TRDN: variants seen among roughly 807,000 people sequenced by gnomAD.
TRDN encodes the protein triadin.
A neutral mutation model predicts 149.7 loss-of-function variants in TRDN; 161 were observed. The ratio of observed to expected loss-of-function variants is 1.08; its 90% confidence interval spans 0.95 to 1.23. The LOEUF is 1.23. TRDN is among the 50% of genes most tolerant of loss of function. TRDN has a pLI of 0.00. For synonymous variants in TRDN, 294 were observed against 250.5 expected (o/e 1.17, Z -1.64); for missense variants, 896 against 823.5 (o/e 1.09, Z -1.08).
intron 38 of TRDN, among the ~76,000 whole-genome samples, chr6:123,230,390 G>A (rs185367635): frequency 1.1e-4 from 16 of 152,004 alleles, no homozygotes; most frequent in East Asian, 5.8e-4. Context: ...CCTGTCTTGC[G>A]GTGGGAGGAG....
At chr6:123,280,203 G>A (rs1777531930) in intron 24 of TRDN, among the ~76,000 whole-genome samples, 1 of 152,104 alleles carries the variant, frequency 6.6e-6, no homozygotes, top group Non-Finnish European at 1.5e-5. Flanking sequence ...GAGAGCAGCA[G>A]AGAAGAGGAA....
chr6:123,595,972 C>T (rs549449951), intron 1 of TRDN, among the ~76,000 whole-genome samples: 7 of 152,202 alleles, frequency 4.6e-5, no homozygotes, highest in Admixed American at 4.6e-4. Context: ...AAGAGTTACA[C>T]ATCTCTTCTT....
intron 1 of TRDN, among the ~76,000 whole-genome samples, chr6:123,588,705 C>T (rs548378649): frequency 6.6e-6 from 1 of 152,086 alleles, no homozygotes; most frequent in Admixed American, 6.6e-5. Flanking sequence ...CTCTTGAAGG[C>T]CCCTATCTAT....
At chr6:123,260,769 C>T (rs1351477399) in intron 33 of TRDN, 131 bp from the exon 34 acceptor site, 1 of 722,074 alleles carries the variant, frequency 1.4e-6, no homozygotes, top group Non-Finnish European at 2.1e-6. Context: ...ACAATAGGCA[C>T]ACATACTCAA....
intron 7 of TRDN, among the ~76,000 whole-genome samples, chr6:123,508,486 C>T (rs1292495397): frequency 2.0e-5 from 3 of 152,172 alleles, no homozygotes; most frequent in Admixed American, 6.6e-5. Flanking sequence ...AACACACAGA[C>T]ATCTGAAGGT....
chr6:123,605,192 A>C (rs1416846461), intron 1 of TRDN, among the ~76,000 whole-genome samples: 1 of 150,234 alleles, frequency 6.7e-6, no homozygotes, highest in Non-Finnish European at 1.5e-5. Context: ...ATTCTAAATG[A>C]TACATTGTCA....
intron 23 of TRDN, 76 bp downstream of exon 23, chr6:123,331,803 T>G (rs1260775498): frequency 6.2e-6 from 6 of 965,278 alleles, no homozygotes; most frequent in Non-Finnish European, 8.9e-6. Context: ...ATGAAATGAT[T>G]CATTACTTTG....
intron 38 of TRDN, among the ~76,000 whole-genome samples, chr6:123,238,797 T>A (rs984920640): frequency 4.6e-5 from 7 of 152,182 alleles, no homozygotes; most frequent in African/African-American, 1.7e-4. Context: ...AAAGCTGGAA[T>A]AATTATATTA....
intron 12 of TRDN, among the ~76,000 whole-genome samples, chr6:123,434,278 G>C (rs1774463249): frequency 6.6e-6 from 1 of 152,268 alleles, no homozygotes; most frequent in Admixed American, 6.5e-5. Context: ...ACTTTCACTT[G>C]AGAAAATTGG....
chr6:123,568,260 G>T (rs551819096), intron 2 of TRDN, among the ~76,000 whole-genome samples: 1 of 152,316 alleles, frequency 6.6e-6, no homozygotes, highest in East Asian at 1.9e-4. Flanking sequence ...GTTTTGCAGG[G>T]TTCAGCCCTG....
intron 1 of TRDN, among the ~76,000 whole-genome samples, chr6:123,633,544 GA>G (rs796542161): frequency 5.0e-4 from 69 of 139,122 alleles, no homozygotes; most frequent in African/African-American, 1.8e-3. Flanking sequence ...AAGATTAAAT[GA>G]ATATTTATCA....
intron 10 of TRDN, among the ~76,000 whole-genome samples, chr6:123,446,052 AG>A (rs1487785309): frequency 6.6e-6 from 1 of 151,520 alleles, no homozygotes; most frequent in Non-Finnish European, 1.5e-5. Flanking sequence ...AATACTATGA[AG>A]CCATAAAAAA....
intron 12 of TRDN, among the ~76,000 whole-genome samples, chr6:123,432,521 C>T (rs1774375209): frequency 6.6e-6 from 1 of 151,796 alleles, no homozygotes; most frequent in Non-Finnish European, 1.5e-5. Flanking sequence ...ATATTCTGTC[C>T]CTCTGAGCAT....
chr6:123,337,720 A>C, intron 21 of TRDN, 51 bp from the exon 22 acceptor site: 1 of 1,101,628 alleles, frequency 9.1e-7, no homozygotes, highest in Non-Finnish European at 1.3e-6. Flanking sequence ...AGAGAGGAAA[A>C]AAATGCAAGT....
chr6:123,306,099 C>T (rs1380905436), intron 24 of TRDN, among the ~76,000 whole-genome samples: 3 of 152,056 alleles, frequency 2.0e-5, no homozygotes, highest in African/African-American at 7.2e-5. Flanking sequence ...TATTGCCTGT[C>T]TAATCTTTGT....
At chr6:123,314,427 A>G (rs576317890) in intron 24 of TRDN, among the ~76,000 whole-genome samples, 6 of 152,048 alleles carry the variant, frequency 3.9e-5, no homozygotes, top group Non-Finnish European at 8.8e-5. Flanking sequence ...CCATTGTGGA[A>G]AACAGTGTGG....
At chr6:123,474,405 G>A (rs758266471) in intron 9 of TRDN, among the ~76,000 whole-genome samples, 44 of 152,222 alleles carry the variant, frequency 2.9e-4, no homozygotes, top group African/African-American at 9.9e-4. Context: ...ACCCAATACA[G>A]GAGTACCAAG....
intron 24 of TRDN, among the ~76,000 whole-genome samples, chr6:123,288,196 G>A (rs928699322): frequency 6.6e-5 from 10 of 152,116 alleles, no homozygotes; most frequent in Non-Finnish European, 1.0e-4. Flanking sequence ...CACATGCAGA[G>A]AAAGAAATTG....
At chr6:123,428,975 A>G (rs1030592912) in intron 12 of TRDN, among the ~76,000 whole-genome samples, 2 of 152,200 alleles carry the variant, frequency 1.3e-5, no homozygotes, top group East Asian at 1.9e-4. Context: ...CATAATTTCT[A>G]CAAGAAAAGT....
Sources: allele counts gnomAD v4.1 joint callset (sites outside exome capture counted in the v4.1 genomes callset), GRCh38; gene constraint gnomAD v4.1.1; transcripts MANE v1.5; gene names NCBI Gene and HGNC (gene_info 2026-07-23, HGNC 2026-07-21).